Variants in ADARB1 observed in about 807,000 individuals in gnomAD.
ADARB1 encodes adenosine deaminase RNA specific B1.
ADARB1 carries 10 observed loss-of-function variants against 52.4 expected under a neutral mutation model. The observed-to-expected ratio is 0.19, with a 90% CI of 0.12 to 0.32. ADARB1 has a LOEUF of 0.32. ADARB1 is among the 10% of genes least tolerant of loss of function. ADARB1 has a pLI of 1.00. For missense variants in ADARB1, 643 were observed against 922.3 expected (o/e 0.70, Z 3.92); for synonymous variants, 349 against 371.1 (o/e 0.94, Z 0.68).
chr21:45,195,363 CTT>C (rs1302084190), intron 8 of ADARB1, among the ~76,000 whole-genome samples: 5 of 152,114 alleles, frequency 3.3e-5, no homozygotes, highest in South Asian at 2.1e-4. Context: ...TGTGGCTTGT[CTT>C]TTCACTCCCT....
At chr21:45,101,529 T>G (rs2087016645) in intron 1 of ADARB1, among the ~76,000 whole-genome samples, 1 of 152,274 alleles carries the variant, frequency 6.6e-6, no homozygotes, top group African/African-American at 2.4e-5. Flanking sequence ...GAAAACCTTT[T>G]TTAATGCTTC....
At chr21:45,194,174 G>A (rs1162413826) in intron 8 of ADARB1, among the ~76,000 whole-genome samples, 5 of 152,164 alleles carry the variant, frequency 3.3e-5, no homozygotes, top group African/African-American at 1.2e-4. Context: ...AAAATTGAGT[G>A]GTAGATACAG....
intron 1 of ADARB1, among the ~76,000 whole-genome samples, chr21:45,095,298 C>T (rs2086712344): frequency 6.6e-6 from 1 of 152,242 alleles, no homozygotes; most frequent in South Asian, 2.1e-4. Context: ...GATGCTCCGG[C>T]CTTTGCCGTG....
At chr21:45,153,425 A>C (rs2090401925) in intron 2 of ADARB1, among the ~76,000 whole-genome samples, 1 of 152,084 alleles carries the variant, frequency 6.6e-6, no homozygotes, top group South Asian at 2.1e-4. Context: ...AGAACAGCTG[A>C]ACACAGGCGT....
chr21:45,146,411 G>A (rs904319581), intron 2 of ADARB1: 3 of 152,250 alleles, frequency 2.0e-5, no homozygotes, highest in African/African-American at 4.8e-5. Context: ...GTTGGGAAAC[G>A]GGATGATAGG....
At chr21:45,146,366 T>C (rs2145921791) in intron 2 of ADARB1, 1 of 152,400 alleles carries the variant, frequency 6.6e-6, no homozygotes, top group Middle Eastern at 3.4e-3. Context: ...ACTTTTCTCA[T>C]TTCAAGGAAA....
chr21:45,105,773 G>T (rs1194927084), intron 1 of ADARB1, among the ~76,000 whole-genome samples: 2 of 152,226 alleles, frequency 1.3e-5, no homozygotes, highest in African/African-American at 4.8e-5. Context: ...ATTGTTGGTT[G>T]CAAGAAGATA....
Position 45,105,688 on chromosome 21 carries a change from G to GCA in ADARB1, c.-219-22703_-219-22702dup, listed in dbSNP as rs1428550279. 3.9e-5 allele frequency among the ~76,000 whole-genome samples: 6 copies of GCA among 152,166 alleles called. No individual in the cohort carries two copies. The East Asian group carries it at 7.7e-4, about 20-fold the overall frequency. On this transcript the variant is annotated intron_variant, in intron 1 of 10. Transcript: ENST00000348831. Reference sequence around the variant, plus strand: ...ATGTTCTTTACTAAATTTGCTTCATGCACACACACACATATATGAGTGTAT... The same window carrying GCA: ...ATGTTCTTTACTAAATTTGCTTCATGCACACACACACACATATATGAGTGTAT...
chr21:45,141,406 G>C (rs1215098635), intron 2 of ADARB1, among the ~76,000 whole-genome samples: 1 of 152,148 alleles, frequency 6.6e-6, no homozygotes, highest in Non-Finnish European at 1.5e-5. Context: ...GCCAGTTATA[G>C]AAAGCATTAT....
chr21:45,175,334 A>G (rs969345425), intron 3 of ADARB1, among the ~76,000 whole-genome samples: 1 of 152,232 alleles, frequency 6.6e-6, no homozygotes, highest in Non-Finnish European at 1.5e-5. Flanking sequence ...CCATATATTG[A>G]TATTAAATTG....
chr21:45,194,328 C>G (rs1011983630), intron 8 of ADARB1, among the ~76,000 whole-genome samples: 7 of 152,214 alleles, frequency 4.6e-5, no homozygotes, highest in African/African-American at 1.7e-4. Context: ...ACTCTTGATG[C>G]TGCACATTGT....
chr21:45,145,014 A>G lies in ADARB1; in HGVS notation c.-48+16441A>G, dbSNP rs141120498. 127 of 180,878 alleles carry G rather than the reference A, an allele frequency of 7.0e-4. 1 individual carries two copies. Among genetic ancestry groups the G allele is most frequent in the Non-Finnish European group, 1.4e-4 (12 of 85,532 alleles). 11.2% of individuals were successfully genotyped at this position (180,878 alleles called of 1,614,324 possible). A position where few individuals can be genotyped will look rare whatever the true frequency, so the allele number is the denominator to read the frequency against. On this transcript the variant is annotated intron_variant, in intron 2 of 10. Coordinates refer to ENST00000348831, the MANE Select transcript of ADARB1 (RefSeq NM_001112.4). ...ATCTAACTTTTTATATGAATGTAGAACAAATATCAAACAGGATTATACAGT... is the reference window on the plus strand; with the variant it reads ...ATCTAACTTTTTATATGAATGTAGAGCAAATATCAAACAGGATTATACAGT...
intron 8 of ADARB1, among the ~76,000 whole-genome samples, chr21:45,190,667 C>T (rs972516055): frequency 6.6e-6 from 1 of 152,218 alleles, no homozygotes; most frequent in Non-Finnish European, 1.5e-5. Flanking sequence ...TGATTTCCTG[C>T]TTCTCCTGGT....
chr21:45,186,340 T>C, intron 8 of ADARB1, among the ~76,000 whole-genome samples: 1 of 152,232 alleles, frequency 6.6e-6, no homozygotes, highest in East Asian at 1.9e-4. Context: ...GGGACACCCA[T>C]ATTTCTTCTA....
At chr21:45,199,011 G>A (rs1039679964) in intron 8 of ADARB1, among the ~76,000 whole-genome samples, 2 of 152,012 alleles carry the variant, frequency 1.3e-5, no homozygotes, top group Non-Finnish European at 2.9e-5. Flanking sequence ...GGTAATTTTC[G>A]GCAGAACAGT....
intron 1 of ADARB1, among the ~76,000 whole-genome samples, chr21:45,112,591 G>A (rs2087593018): frequency 6.6e-6 from 1 of 152,046 alleles, no homozygotes; most frequent in Non-Finnish European, 1.5e-5. Context: ...AAGCAGGGAT[G>A]GTCCTGAGTC....
intron 9 of ADARB1, among the ~76,000 whole-genome samples, chr21:45,218,891 A>G (rs1320807982): frequency 6.6e-6 from 1 of 152,234 alleles, no homozygotes; most frequent in African/African-American, 2.4e-5. Context: ...AGCATGTTCT[A>G]AAGATTCATA....
intron 2 of ADARB1, among the ~76,000 whole-genome samples, chr21:45,162,526 C>T (rs1039327955): frequency 2.6e-5 from 4 of 152,168 alleles, no homozygotes; most frequent in Admixed American, 6.5e-5. Context: ...CGGGTAAAGG[C>T]GCCACCAGTG....
intron 8 of ADARB1, among the ~76,000 whole-genome samples, chr21:45,201,392 A>G (rs1046838954): frequency 1.3e-5 from 2 of 152,210 alleles, no homozygotes; most frequent in African/African-American, 4.8e-5. Context: ...GACTCCTAAC[A>G]AATGAAGGTT....
Sources: allele counts gnomAD v4.1 joint callset (sites outside exome capture counted in the v4.1 genomes callset), GRCh38; gene constraint gnomAD v4.1.1; transcripts MANE v1.5; gene names NCBI Gene and HGNC (gene_info 2026-07-23, HGNC 2026-07-21).